Variants in RIN3 observed in about 807,000 individuals in gnomAD.
RIN3 encodes RAB5 interacting protein 3.
In RIN3, 54 loss-of-function variants were observed where a neutral mutation model predicts 76.3. The ratio of observed to expected loss-of-function variants is 0.71; its 90% CI spans 0.57 to 0.89. RIN3 has a LOEUF of 0.89. RIN3 is among the 40% of genes least tolerant of loss of function. RIN3 has a pLI of 0.00. For synonymous variants in RIN3, 576 were observed against 564.0 expected (o/e 1.02, Z -0.30); for missense variants, 1,256 against 1,322.1 (o/e 0.95, Z 0.78).
chr14:92,641,386 A>G lies in RIN3; in HGVS notation c.532+57A>G, dbSNP rs964751438. 60 of 1,356,226 alleles carry G rather than the reference A, an allele frequency of 4.4e-5. No individual in the cohort carries two copies. In the Middle Eastern group the frequency reaches 5.4e-4, roughly 12 times the overall value. The allele number at this position is 1,356,226 out of a possible 1,614,324, so 84.0% of individuals were successfully genotyped here. On this transcript the variant is annotated intron_variant, in intron 5 of 9. Coordinates refer to ENST00000216487, the MANE Select transcript of RIN3 (RefSeq NM_024832.5). ...GTGGGGCGTTAGGAACTGGGGCCCT[A>G]GGACTGCCCCAGGGGCCGCCTGTGC...
intron 4 of RIN3, among the ~76,000 whole-genome samples, chr14:92,629,013 C>T (rs1163667096): frequency 6.6e-6 from 1 of 152,136 alleles, no homozygotes; most frequent in Non-Finnish European, 1.5e-5. Context: ...GGCATTTAGG[C>T]TTCTCCACAT....
At chr14:92,542,394 T>C (rs549205950) in intron 1 of RIN3, among the ~76,000 whole-genome samples, 1 of 152,234 alleles carries the variant, frequency 6.6e-6, no homozygotes, top group South Asian at 2.1e-4. Flanking sequence ...AGGGTGGCTG[T>C]AATAAAAAAG....
At chr14:92,678,207 C>T (rs1453174041) in intron 8 of RIN3, among the ~76,000 whole-genome samples, 6 of 150,684 alleles carry the variant, frequency 4.0e-5, no homozygotes, top group Admixed American at 3.3e-4. Flanking sequence ...TCCATCCACC[C>T]ACCCATTCAC....
At chr14:92,668,592 CT>C (rs1439968428) in intron 7 of RIN3, among the ~76,000 whole-genome samples, 3 of 152,212 alleles carry the variant, frequency 2.0e-5, no homozygotes, top group African/African-American at 4.8e-5. Flanking sequence ...AGAGAGGGGG[CT>C]GGGTTCTAAT....
rs1896388256 is a variant in RIN3 at position 92,514,628 on chromosome 14, G to T, written c.44+652G>T. Among the ~76,000 whole-genome samples the T allele has an allele frequency of 6.6e-6, 1 of 152,234 alleles. No homozygotes were observed. Among genetic ancestry groups the T allele is most frequent in the Non-Finnish European group, 1.5e-5 (1 of 68,040 alleles). ...TCCAGGGCGCACGGGCTGCGCGCGG[G>T]CTGTGGATGCATGACGCCGAATGGT... On this transcript the variant is annotated intron_variant, in intron 1 of 9. Coordinates refer to ENST00000216487, the MANE Select transcript of RIN3 (RefSeq NM_024832.5). This position sits in a 1 kb window ranked among gnomAD's most constrained non-coding sequence, Gnocchi z 7.2.
intron 2 of RIN3, among the ~76,000 whole-genome samples, chr14:92,560,097 A>G (rs899823306): frequency 4.6e-5 from 7 of 152,320 alleles, no homozygotes; most frequent in Admixed American, 4.6e-4. Flanking sequence ...AGCACAAGTT[A>G]AAGCAAGGCC....
At chr14:92,561,147 T>TTATATA (rs1234225317) in intron 2 of RIN3, among the ~76,000 whole-genome samples, 2 of 36,882 alleles carry the variant, frequency 5.4e-5, no homozygotes, top group Admixed American at 2.9e-4. Flanking sequence ...ATATATATTT[T>TTATATA]TATATATATA....
rs1887090033 is a variant in RIN3, at chr14:92,643,522, GT to G, written c.532+2197del. ...GATCTTGGATGTGGGACAGGTGACA[GT>G]TTTGTAATTTGCACTTTTGTAAGGT... On this transcript the variant is annotated intron_variant, in intron 5 of 9. Transcript: ENST00000216487. The surrounding 1 kb of genome is among the most constrained non-coding windows in gnomAD (Gnocchi z 4.8). 2.0e-5 allele frequency among the ~76,000 whole-genome samples: 3 copies of G among 152,230 alleles called. No individual in the cohort carries two copies. The highest frequency in any genetic ancestry group is 2.9e-5 in the Non-Finnish European group (2 of 68,040).
chr14:92,601,036 C>A (rs12435667), intron 3 of RIN3, among the ~76,000 whole-genome samples: 30,057 of 152,080 alleles, frequency 0.2, 3,426 homozygotes, highest in East Asian at 0.48. Flanking sequence ...GCTCAAGTAT[C>A]TTGAGATGAG....
chr14:92,563,682 T>C (rs559221878), intron 2 of RIN3, among the ~76,000 whole-genome samples: 4 of 152,332 alleles, frequency 2.6e-5, no homozygotes, highest in African/African-American at 9.6e-5. Context: ...CTTTTTCTTT[T>C]GGAGTGGGCC....
At chr14:92,566,764 A>G (rs1334446350) in intron 2 of RIN3, among the ~76,000 whole-genome samples, 2 of 152,234 alleles carry the variant, frequency 1.3e-5, no homozygotes, top group African/African-American at 4.8e-5. Flanking sequence ...GCATGCGGGC[A>G]GAAGGTCTTA....
intron 1 of RIN3, among the ~76,000 whole-genome samples, chr14:92,554,576 T>C (rs1022763884): frequency 6.6e-6 from 1 of 152,238 alleles, no homozygotes; most frequent in Non-Finnish European, 1.5e-5. Flanking sequence ...GGCAGCCATA[T>C]TAAAACAGGC....
At chr14:92,667,010 G>A (rs568897727) in intron 7 of RIN3, among the ~76,000 whole-genome samples, 1 of 152,246 alleles carries the variant, frequency 6.6e-6, no homozygotes, top group East Asian at 1.9e-4. Flanking sequence ...TAGATTCCCA[G>A]GTCCCCTGCC....
In RIN3 at chr14:92,609,557, C is replaced by A. The variant is rs555327961; in HGVS notation, c.368-5850C>A. Among the ~76,000 whole-genome samples, 25 of 152,276 alleles carry A rather than the reference C, an allele frequency of 1.6e-4. No individual in the cohort carries two copies. In the South Asian group the frequency reaches 4.8e-3, roughly 29 times the overall value. On this transcript the variant is annotated intron_variant, in intron 3 of 9. Coordinates refer to ENST00000216487, the MANE Select transcript of RIN3 (RefSeq NM_024832.5). ...AATTTTGTTGGGAGGAGTAGGCTGG[C>A]CGGCTCCCTGCCCAGGGCAGAAGCG...
At chr14:92,618,814 AT>A (rs1418276021) in intron 4 of RIN3, among the ~76,000 whole-genome samples, 3 of 152,138 alleles carry the variant, frequency 2.0e-5, no homozygotes, top group African/African-American at 4.8e-5. Context: ...GGATCATTTT[AT>A]TTTTTCCATG....
At chr14:92,628,400 C>T (rs186415486) in intron 4 of RIN3, among the ~76,000 whole-genome samples, 31 of 152,258 alleles carry the variant, frequency 2.0e-4, no homozygotes, top group Non-Finnish European at 2.2e-4. Flanking sequence ...AAGAGCATCC[C>T]CTTTGGGGAG....
chr14:92,522,095 A>G (rs1896616297), intron 1 of RIN3, among the ~76,000 whole-genome samples: 1 of 152,150 alleles, frequency 6.6e-6, no homozygotes, highest in African/African-American at 2.4e-5. Flanking sequence ...CCCCTTGGCT[A>G]TGGGTGGGCA....
At chr14:92,528,886 A>G (rs544412212) in intron 1 of RIN3, among the ~76,000 whole-genome samples, 4 of 152,260 alleles carry the variant, frequency 2.6e-5, no homozygotes, top group South Asian at 2.1e-4. Flanking sequence ...GAGGCTCCCC[A>G]TGCAGCTGCC....
At chr14:92,615,301 A>T in intron 3 of RIN3, 106 bp from the exon 4 acceptor site, 1 of 883,914 alleles carries the variant, frequency 1.1e-6, no homozygotes, top group Non-Finnish European at 1.9e-6. Context: ...GGGACCCAGA[A>T]TGTGTGCAGC....
Sources: gnomAD v4.1 joint callset for allele counts (sites outside exome capture counted in the v4.1 genomes callset) on GRCh38, gnomAD v4.1.1 for gene constraint, Gnocchi (gnomAD v3.1) non-coding constraint, MANE v1.5 for transcripts, NCBI Gene and HGNC (gene_info 2026-07-23, HGNC 2026-07-21) for gene names.